The following PPM1E variants were observed in gnomAD, a reference collection of about 807,000 sequenced individuals.
The protein encoded by PPM1E is protein phosphatase, Mg2+/Mn2+ dependent 1E.
PPM1E carries 20 observed loss-of-function variants against 65.9 expected under a neutral mutation model. The ratio of observed to expected loss-of-function variants is 0.30; its 90% CI spans 0.21 to 0.44. The LOEUF (loss-of-function observed/expected upper bound fraction) is 0.44. Ranked by LOEUF, PPM1E falls within the 20% of genes least tolerant of loss-of-function variation. The pLI is 1.00. For synonymous variants in PPM1E, 352 were observed against 374.9 expected, an observed-to-expected ratio of 0.94 and a Z score of 0.70; for missense variants, 713 against 953.1, an observed-to-expected ratio of 0.75 and a Z score of 3.32.
intron 1 of PPM1E, among the ~76,000 whole-genome samples, chr17:58,929,690 G>A (rs2051867770): frequency 6.6e-6 from 1 of 151,942 alleles, no homozygotes; most frequent in African/African-American, 2.4e-5. Context: ...CTGAGAAGTA[G>A]AAAAAAAGCA....
chr17:58,835,935 G>A (rs1053193456), intron 1 of PPM1E: 2 of 152,054 alleles, frequency 1.3e-5, no homozygotes, highest in African/African-American at 4.8e-5. Context: ...AAAAATGATA[G>A]AGAAGATTAG....
Position 58,756,027 on chromosome 17 carries a change from T to G in PPM1E, c.30T>G (p.Thr10=). ...CCGGCTGCATCCCTGAGGAGAAAAC[T>G]TACCGGCGCTTCCTGGAGCTATTCC... MAGCIPEEK[T]YRRFLELFLG... is the part of the protein sequence containing the mutation. The change falls in exon 1 of 7, where the codon ACT becomes ACG. Residue 10 remains threonine (T), a synonymous_variant. Transcript: ENST00000308249. 3 of 1,613,994 alleles carry G rather than the reference T, an allele frequency of 1.9e-6. No individual in the cohort carries two copies. In the Middle Eastern group the frequency reaches 4.9e-4, roughly 266 times the overall value.
At chr17:58,844,931 T>C (rs2050756238) in intron 1 of PPM1E, among the ~76,000 whole-genome samples, 1 of 152,180 alleles carries the variant, frequency 6.6e-6, no homozygotes, top group African/African-American at 2.4e-5. Flanking sequence ...TTAAAATATT[T>C]CTATCAATAA....
intron 1 of PPM1E, among the ~76,000 whole-genome samples, chr17:58,862,471 C>T (rs748263717): frequency 6.6e-6 from 1 of 152,190 alleles, no homozygotes; most frequent in Admixed American, 6.5e-5. Flanking sequence ...ATTTTACTTA[C>T]TGCTAATGCT....
chr17:58,855,929 A>G (rs1373104632), intron 1 of PPM1E, among the ~76,000 whole-genome samples: 2 of 152,242 alleles, frequency 1.3e-5, no homozygotes. Context: ...TTATTGCTAT[A>G]CAGATTTATC....
intron 1 of PPM1E, among the ~76,000 whole-genome samples, chr17:58,935,287 A>G (rs1451654380): frequency 6.6e-6 from 1 of 151,744 alleles, no homozygotes; most frequent in Non-Finnish European, 1.5e-5. Flanking sequence ...TTAGAAGTTG[A>G]TAATGTCTAT....
At chr17:58,854,194 C>T (rs1336396919) in intron 1 of PPM1E, among the ~76,000 whole-genome samples, 1 of 152,012 alleles carries the variant, frequency 6.6e-6, no homozygotes, top group Non-Finnish European at 1.5e-5. Flanking sequence ...TTCTTAATTT[C>T]CTTGTCAGAT....
chr17:58,757,351 G>C (rs2049779090), intron 1 of PPM1E, among the ~76,000 whole-genome samples: 1 of 152,208 alleles, frequency 6.6e-6, no homozygotes, highest in African/African-American at 2.4e-5. Context: ...GAAAGGTCAA[G>C]GCTTTGCCTT....
At position 58,805,973 on chromosome 17, in the gene PPM1E, ACAAAAAAAAAACAAAAC is replaced by A. The variant is rs1567838841; in HGVS notation, c.464+49513_464+49529del. Among the ~76,000 whole-genome samples the A allele has an allele frequency of 2.5e-3, 298 of 117,808 alleles. 4 individuals carry two copies. Among genetic ancestry groups the A allele is most frequent in the African/African-American group, 4.3e-3 (122 of 28,600 alleles). The allele number at this position is 117,808 out of a possible 152,430, so 77.3% of individuals were successfully genotyped here. ...CTAAAAAAAAAAACAAAAAAAAAAA[ACAAAAAAAAAACAAAAC>A]AAAACAAAACAAAAAAAAAACTATA... On this transcript the variant is annotated intron_variant, in intron 1 of 6. Transcript: ENST00000308249.
chr17:58,800,170 G>T (rs972796737), intron 1 of PPM1E, among the ~76,000 whole-genome samples: 8 of 151,604 alleles, frequency 5.3e-5, no homozygotes, highest in African/African-American at 1.9e-4. Flanking sequence ...GCATCTATTT[G>T]GATGACTATA....
intron 1 of PPM1E, among the ~76,000 whole-genome samples, chr17:58,864,268 C>G (rs1055975060): frequency 5.3e-5 from 8 of 152,144 alleles, no homozygotes; most frequent in African/African-American, 1.9e-4. Context: ...CAAGTTCTAA[C>G]TAATGCTATT....
chr17:58,980,707 C>T lies in PPM1E; in HGVS notation c.1944C>T (p.Val648=), dbSNP rs1331550644. 1 of 1,614,092 alleles carries T rather than the reference C, an allele frequency of 6.2e-7. No homozygotes were observed. The highest frequency in any genetic ancestry group is 8.5e-7 in the Non-Finnish European group (1 of 1,180,046). ...ACAGAATGCAGAGCTTGTCTCCTGTCTGTTCAGGGTTGGAAAATGAACAGT... is the reference window on the plus strand; with the variant it reads ...ACAGAATGCAGAGCTTGTCTCCTGTTTGTTCAGGGTTGGAAAATGAACAGT... The part of the protein sequence containing the change: ...QIYRMQSLSP[V]CSGLENEQFK... Residue 648 remains valine, a synonymous_variant, in exon 7 of 7, where the codon GTC becomes GTT. Transcript: ENST00000308249. This position sits in a 1 kb window ranked among gnomAD's most constrained non-coding sequence, Gnocchi z 4.7.
intron 1 of PPM1E, among the ~76,000 whole-genome samples, chr17:58,774,776 T>A (rs549968753): frequency 1.3e-5 from 2 of 152,302 alleles, no homozygotes; most frequent in African/African-American, 4.8e-5. Flanking sequence ...ATACCATTTA[T>A]CTTGGCTTAT....
chr17:58,863,720 T>G (rs1278252677), intron 1 of PPM1E, among the ~76,000 whole-genome samples: 1 of 152,178 alleles, frequency 6.6e-6, no homozygotes, highest in Non-Finnish European at 1.5e-5. Flanking sequence ...GCTCTTAGTG[T>G]GCTGGGGTGC....
At chr17:58,941,330 A>G (rs2052063106) in intron 1 of PPM1E, among the ~76,000 whole-genome samples, 1 of 152,200 alleles carries the variant, frequency 6.6e-6, no homozygotes, top group Non-Finnish European at 1.5e-5. Context: ...ATCATAATTC[A>G]GTATATACTT....
chr17:58,796,461 G>A (rs1286948129), intron 1 of PPM1E, among the ~76,000 whole-genome samples: 1 of 152,146 alleles, frequency 6.6e-6, no homozygotes, highest in Non-Finnish European at 1.5e-5. Context: ...GTAGAGAGAA[G>A]ATTTTGCTGT....
chr17:58,966,595 G>A (rs1005842741), intron 3 of PPM1E: 1 of 170,346 alleles, frequency 5.9e-6, no homozygotes, highest in African/African-American at 2.4e-5. Context: ...AGATAGGAAA[G>A]TAGCTGGAAT....
chr17:58,805,285 T>A (rs2050294655), intron 1 of PPM1E, among the ~76,000 whole-genome samples: 1 of 152,078 alleles, frequency 6.6e-6, no homozygotes, highest in African/African-American at 2.4e-5. Context: ...AGTTTCACTC[T>A]CGTTGCCCAG....
chr17:58,858,448 C>G (rs1274128142), intron 1 of PPM1E, among the ~76,000 whole-genome samples: 1 of 152,154 alleles, frequency 6.6e-6, no homozygotes, highest in East Asian at 1.9e-4. Context: ...ACAAATCTCT[C>G]TCTATCCCTT....
Sources: allele counts gnomAD v4.1 joint callset (sites outside exome capture counted in the v4.1 genomes callset), GRCh38; gene constraint gnomAD v4.1.1; non-coding constraint Gnocchi (gnomAD v3.1); transcripts MANE v1.5; gene names NCBI Gene and HGNC (gene_info 2026-07-23, HGNC 2026-07-21).